The following FMNL2 variants were observed in gnomAD, a reference collection of about 807,000 sequenced individuals.
The protein encoded by FMNL2 is formin-like protein 2.
A neutral mutation model predicts 130.2 loss-of-function variants in FMNL2; 51 were observed. The ratio of observed to expected loss-of-function variants is 0.39; its 90% confidence interval spans 0.31 to 0.49. FMNL2 has a LOEUF of 0.49. FMNL2 is among the 20% of genes least tolerant of loss of function. The probability of loss-of-function intolerance (pLI) is 0.85; values close to 1 mark genes in which losing one functional copy is unlikely to be tolerated. For missense variants in FMNL2, 977 were observed against 1,316.2 expected (o/e 0.74, Z 3.99); for synonymous variants, 465 against 467.1 (o/e 1.00, Z 0.06).
intron 1 of FMNL2, among the ~76,000 whole-genome samples, chr2:152,399,256 A>G (rs11884490): frequency 0.074 from 11,324 of 152,220 alleles, 649 homozygotes; most frequent in Admixed American, 0.2. Context: ...TAGGTGACTA[A>G]TCCAAATAAA....
chr2:152,558,905 G>T, intron 5 of FMNL2, 82 bp downstream of exon 5: 1 of 1,239,412 alleles, frequency 8.1e-7, no homozygotes, highest in South Asian at 1.3e-5. Flanking sequence ...ATACACCACA[G>T]AGAGGGCAGA....
At chr2:152,644,875 C>G (rs1041079058) in intron 25 of FMNL2, among the ~76,000 whole-genome samples, 3 of 152,164 alleles carry the variant, frequency 2.0e-5, no homozygotes, top group African/African-American at 7.2e-5. Context: ...CTCCTGGGCA[C>G]AGTTTTTGAT....
chr2:152,484,006 T>C (rs1478749835), intron 1 of FMNL2, among the ~76,000 whole-genome samples: 1 of 152,208 alleles, frequency 6.6e-6, no homozygotes, highest in Admixed American at 6.5e-5. Context: ...GCTTAATGTA[T>C]GCTGAGATGG....
chr2:152,415,606 G>A (rs1340485919), intron 1 of FMNL2, among the ~76,000 whole-genome samples: 2 of 151,708 alleles, frequency 1.3e-5, no homozygotes, highest in East Asian at 3.9e-4. Flanking sequence ...TTTTGAGGTG[G>A]GTAATACTAA....
At chr2:152,384,925 T>C (rs1684698371) in intron 1 of FMNL2, among the ~76,000 whole-genome samples, 1 of 152,252 alleles carries the variant, frequency 6.6e-6, no homozygotes, top group Non-Finnish European at 1.5e-5. Flanking sequence ...AACACAGTAA[T>C]CAACTAACCT....
At chr2:152,499,412 A>C (rs1389010561) in intron 1 of FMNL2, among the ~76,000 whole-genome samples, 5 of 152,012 alleles carry the variant, frequency 3.3e-5, no homozygotes, top group African/African-American at 1.2e-4. Flanking sequence ...GAGGAAGCTG[A>C]GTGTTTGGGT....
At chr2:152,457,591 T>A (rs951914411) in intron 1 of FMNL2, among the ~76,000 whole-genome samples, 2 of 152,210 alleles carry the variant, frequency 1.3e-5, no homozygotes, top group Non-Finnish European at 2.9e-5. Context: ...GGATCTGAGA[T>A]CACAGTGTAT....
intron 1 of FMNL2, among the ~76,000 whole-genome samples, chr2:152,439,136 A>G (rs764374799): frequency 6.0e-5 from 9 of 149,562 alleles, no homozygotes; most frequent in Non-Finnish European, 1.3e-4. Context: ...ATTGTAATGC[A>G]GGTTTAATGT....
chr2:152,626,826 A>C (rs1212824994), intron 17 of FMNL2, 99 bp downstream of exon 17: 3 of 1,272,682 alleles, frequency 2.4e-6, no homozygotes, highest in Admixed American at 2.7e-5. Context: ...GTGAGACAAG[A>C]CCTAAGATAA....
rs559882182 is a variant in FMNL2, at chr2:152,421,339, T to A, written c.117+85619T>A. Among the ~76,000 whole-genome samples, 3 of 152,276 alleles carry A rather than the reference T, an allele frequency of 2.0e-5. No homozygotes were observed. The South Asian group carries it at 6.2e-4, about 32-fold the overall frequency. On this transcript the variant is annotated intron_variant, in intron 1 of 25. Coordinates refer to ENST00000288670, the MANE Select transcript of FMNL2 (RefSeq NM_052905.4). ...TTATCCTACTATATTTGCAGCAGTG[T>A]TAGGGTTACAGGTACAACCTAAGCA...
chr2:152,389,053 T>C lies in FMNL2; in HGVS notation c.117+53333T>C, dbSNP rs1028216044. ...GGCTTCTTTTTGGTTGAAATCTAAA[T>C]GCTGTTTTTCAATTTGGACTTAACA... On this transcript the variant is annotated intron_variant, in intron 1 of 25. Transcript: ENST00000288670. Among the ~76,000 whole-genome samples, 39 of 106,834 alleles carry C rather than the reference T, an allele frequency of 3.7e-4. 1 individual carries two copies. The highest frequency in any genetic ancestry group is 8.3e-4 in the South Asian group (2 of 2,396). 70.1% of individuals were successfully genotyped at this position (106,834 alleles called of 152,430 possible).
intron 22 of FMNL2, 149 bp downstream of exon 22, chr2:152,636,739 G>T: frequency 9.9e-7 from 1 of 1,005,920 alleles, no homozygotes; most frequent in South Asian, 1.7e-5. Flanking sequence ...ATTACGGGGG[G>T]ACCATTCCCA....
At chr2:152,594,562 TGA>T (rs1465414443) in intron 9 of FMNL2, among the ~76,000 whole-genome samples, 1 of 151,930 alleles carries the variant, frequency 6.6e-6, no homozygotes, top group Non-Finnish European at 1.5e-5. Flanking sequence ...TTCCCTAGAC[TGA>T]GAGTGAGCTG....
chr2:152,375,074 A>G (rs904707725), intron 1 of FMNL2, among the ~76,000 whole-genome samples: 1 of 152,262 alleles, frequency 6.6e-6, no homozygotes, highest in Non-Finnish European at 1.5e-5. Flanking sequence ...TATATTTCAC[A>G]TACATATATT....
intron 6 of FMNL2, among the ~76,000 whole-genome samples, chr2:152,565,217 T>C (rs2105625473): frequency 6.6e-6 from 1 of 152,302 alleles, no homozygotes; most frequent in Middle Eastern, 3.4e-3. Context: ...AGAAATGACA[T>C]AGCAAGTAAA....
At position 152,639,113 on chromosome 2, in the gene FMNL2, G is replaced by A. The variant is rs147078028; in HGVS notation, c.2947-845G>A. On this transcript the variant is annotated intron_variant, in intron 23 of 25. Transcript: ENST00000288670. ...TGCCAGGCAGTGATGTGACTGCCAG[G>A]ATGTTTTTCTTGCCCTATACGTGAT... 2.5e-4 allele frequency among the ~76,000 whole-genome samples: 38 copies of A among 152,278 alleles called. No individual in the cohort carries two copies. In the East Asian group the frequency reaches 7.4e-3, roughly 29 times the overall value.
intron 2 of FMNL2, among the ~76,000 whole-genome samples, chr2:152,541,144 C>A (rs908469407): frequency 1.3e-5 from 2 of 152,030 alleles, no homozygotes; most frequent in Non-Finnish European, 1.5e-5. Flanking sequence ...ATCCTCATTT[C>A]TTTTTTTCTT....
chr2:152,526,158 A>G (rs543326519), intron 2 of FMNL2, among the ~76,000 whole-genome samples: 1 of 152,152 alleles, frequency 6.6e-6, no homozygotes, highest in Non-Finnish European at 1.5e-5. Context: ...AACAAGTACT[A>G]CAGAATCCTG....
At chr2:152,582,430 A>G (rs1378217801) in intron 9 of FMNL2, among the ~76,000 whole-genome samples, 2 of 152,148 alleles carry the variant, frequency 1.3e-5, no homozygotes, top group Admixed American at 6.5e-5. Context: ...CTGCTAGTCC[A>G]TTCTTTAAGA....
Sources: gnomAD v4.1 joint callset for allele counts (sites outside exome capture counted in the v4.1 genomes callset) on GRCh38, gnomAD v4.1.1 for gene constraint, MANE v1.5 for transcripts, NCBI Gene and HGNC (gene_info 2026-07-23, HGNC 2026-07-21) for gene names.